The following XKR6 variants were observed in gnomAD, a reference collection of about 807,000 sequenced individuals.
XKR6 encodes XK related 6.
In XKR6, 22 loss-of-function variants were observed where a neutral mutation model predicts 56.7. The observed-to-expected ratio is 0.39, with a 90% CI of 0.28 to 0.55. XKR6 has a LOEUF of 0.55. Among genes scored for constraint, XKR6 ranks in the 20% least tolerant of loss-of-function variants. XKR6 has a pLI of 0.66. For missense variants in XKR6, 852 were observed against 889.0 expected, an observed-to-expected ratio of 0.96 and a Z score of 0.53; for synonymous variants, 524 against 387.8, an observed-to-expected ratio of 1.35 and a Z score of -4.13.
chr8:11,053,102 G>A (rs1799596830), intron 1 of XKR6, among the ~76,000 whole-genome samples: 1 of 152,176 alleles, frequency 6.6e-6, no homozygotes, highest in Non-Finnish European at 1.5e-5. Context: ...TGACTCCCAA[G>A]GGACCGCAGG....
At chr8:10,939,071 CT>C (rs1281391928) in intron 1 of XKR6, among the ~76,000 whole-genome samples, 1 of 152,168 alleles carries the variant, frequency 6.6e-6, no homozygotes, top group Non-Finnish European at 1.5e-5. Context: ...GGACCTGCTT[CT>C]CCCAGGACCT....
chr8:10,995,134 T>G (rs115861387), intron 1 of XKR6, among the ~76,000 whole-genome samples: 2 of 152,160 alleles, frequency 1.3e-5, no homozygotes, highest in African/African-American at 2.4e-5. Context: ...ACAGGATGTA[T>G]AGACGAGAGC....
intron 1 of XKR6, among the ~76,000 whole-genome samples, chr8:11,039,695 T>C (rs571358213): frequency 3.3e-5 from 5 of 152,288 alleles, no homozygotes; most frequent in Admixed American, 6.5e-5. Context: ...CTCCCACCAA[T>C]TCCCATCTGT....
At chr8:11,149,934 A>G (rs561366981) in intron 1 of XKR6, among the ~76,000 whole-genome samples, 68 of 152,360 alleles carry the variant, frequency 4.5e-4, no homozygotes, top group Non-Finnish European at 8.8e-5. Context: ...TTGCAGCGTC[A>G]TGGATGAAAC....
chr8:10,945,015 T>C (rs1197908324), intron 1 of XKR6, among the ~76,000 whole-genome samples: 1 of 152,094 alleles, frequency 6.6e-6, no homozygotes, highest in South Asian at 2.1e-4. Context: ...ATGCAGTCTT[T>C]CTGGATGTAG....
chr8:11,015,611 C>G (rs1798600940), intron 1 of XKR6, among the ~76,000 whole-genome samples: 1 of 152,152 alleles, frequency 6.6e-6, no homozygotes, highest in Admixed American at 6.5e-5. Context: ...CTGGGCTTCT[C>G]CGGCCTCAGG....
At position 10,961,833 on chromosome 8, in the gene XKR6, G is replaced by A. The variant is rs147924340; in HGVS notation, c.765-37003C>T. ...AGTGAACCTGCCTTCCGAGGGGAAC[G>A]TTGCCAGGAGGAAGGGAGCCCGGTG... On this transcript the variant is annotated intron_variant, in intron 1 of 2. Transcript: ENST00000416569. 5.0e-3 allele frequency among the ~76,000 whole-genome samples: 765 copies of A among 152,340 alleles called. 8 individuals carry two copies. Among genetic ancestry groups the A allele is most frequent in the African/African-American group, 0.018 (730 of 41,580 alleles).
intron 1 of XKR6, among the ~76,000 whole-genome samples, chr8:11,008,028 C>CT (rs896223143): frequency 1.3e-5 from 2 of 151,982 alleles, no homozygotes; most frequent in African/African-American, 2.4e-5. Flanking sequence ...CAGGCGTTTG[C>CT]TTTTTTTTGA....
intron 1 of XKR6, among the ~76,000 whole-genome samples, chr8:10,942,170 C>T (rs111740346): frequency 0.055 from 8,362 of 152,262 alleles, 322 homozygotes; most frequent in Non-Finnish European, 0.078. Flanking sequence ...CTCGAACATA[C>T]CACACACAGT....
At chr8:10,950,082 C>T (rs1801672747) in intron 1 of XKR6, among the ~76,000 whole-genome samples, 1 of 152,150 alleles carries the variant, frequency 6.6e-6, no homozygotes, top group Admixed American at 6.5e-5. Context: ...GCACACGTGA[C>T]ACATGGCAGG....
intron 1 of XKR6, among the ~76,000 whole-genome samples, chr8:11,075,189 G>T (rs1038799219): frequency 6.6e-6 from 1 of 152,188 alleles, no homozygotes; most frequent in African/African-American, 2.4e-5. Context: ...AAAAAGGGTG[G>T]TTGTCTACAA....
At chr8:10,927,631 C>T (rs571171346) in intron 1 of XKR6, among the ~76,000 whole-genome samples, 94 of 152,298 alleles carry the variant, frequency 6.2e-4, no homozygotes, top group Non-Finnish European at 9.3e-4. Flanking sequence ...TACCCTTCCA[C>T]GCCACATTCT....
At chr8:11,010,956 C>T (rs778355682) in intron 1 of XKR6, among the ~76,000 whole-genome samples, 3 of 152,164 alleles carry the variant, frequency 2.0e-5, no homozygotes, top group Non-Finnish European at 4.4e-5. Flanking sequence ...GGGCCAGGAC[C>T]GCCTTCTCTA....
At chr8:11,015,130 T>C (rs910829551) in intron 1 of XKR6, among the ~76,000 whole-genome samples, 21 of 151,160 alleles carry the variant, frequency 1.4e-4, no homozygotes, top group African/African-American at 5.1e-4. Flanking sequence ...TGGGGGCGCC[T>C]CTGATCGCGT....
At chr8:11,055,919 A>G (rs1439019737) in intron 1 of XKR6, among the ~76,000 whole-genome samples, 4 of 152,014 alleles carry the variant, frequency 2.6e-5, no homozygotes, top group South Asian at 2.1e-4. Flanking sequence ...CGCTCCATAC[A>G]CTTTGTGTTC....
chr8:11,051,885 G>C (rs879548607), intron 1 of XKR6, among the ~76,000 whole-genome samples: 1 of 152,190 alleles, frequency 6.6e-6, no homozygotes, highest in Non-Finnish European at 1.5e-5. Flanking sequence ...GAACGTGCAG[G>C]TTTGTTACAT....
At chr8:11,068,581 C>G (rs1800038980) in intron 1 of XKR6, among the ~76,000 whole-genome samples, 1 of 152,076 alleles carries the variant, frequency 6.6e-6, no homozygotes, top group Non-Finnish European at 1.5e-5. Flanking sequence ...GCTACTGCTT[C>G]AGGCAGCCTG....
chr8:11,179,610 G>C (rs1481905059), intron 1 of XKR6, among the ~76,000 whole-genome samples: 2 of 152,072 alleles, frequency 1.3e-5, no homozygotes, highest in Non-Finnish European at 2.9e-5. Flanking sequence ...CCCAACTCAG[G>C]TTTCATCAGG....
chr8:11,114,643 G>A (rs927828552), intron 1 of XKR6, among the ~76,000 whole-genome samples: 11 of 152,162 alleles, frequency 7.2e-5, no homozygotes, highest in African/African-American at 2.4e-4. Flanking sequence ...TGACAGGCGT[G>A]AGCCACCGCA....
Sources: allele counts gnomAD v4.1 joint callset (sites outside exome capture counted in the v4.1 genomes callset), GRCh38; gene constraint gnomAD v4.1.1; transcripts MANE v1.5; gene names NCBI Gene and HGNC (gene_info 2026-07-23, HGNC 2026-07-21).